The following SLC6A9 variants were observed in gnomAD, a reference collection of about 807,000 sequenced individuals.
SLC6A9 encodes sodium- and chloride-dependent glycine transporter 1.
Under a neutral mutation model 70.9 loss-of-function variants are expected in SLC6A9, and 31 were observed. That is an observed-to-expected ratio of 0.44 (90% CI 0.33 to 0.59). The LOEUF (loss-of-function observed/expected upper bound fraction) is 0.59, where lower values mean the gene tolerates loss of function less well. SLC6A9 is among the 20% of genes least tolerant of loss of function. The pLI, the probability that SLC6A9 is intolerant of heterozygous loss-of-function variation, is 0.04. For synonymous variants in SLC6A9, 310 were observed against 341.3 expected (o/e 0.91, Z 1.01); for missense variants, 631 against 845.2 (o/e 0.75, Z 3.14).
chr1:44,025,695 G>A (rs2086970546), intron 1 of SLC6A9, among the ~76,000 whole-genome samples: 1 of 151,936 alleles, frequency 6.6e-6, no homozygotes, highest in South Asian at 2.1e-4. Context: ...AGCTACTCGG[G>A]AGGCTGAGGC....
chr1:44,011,613 T>A (rs746124622), intron 2 of SLC6A9: 1 of 1,613,190 alleles, frequency 6.2e-7, no homozygotes, highest in African/African-American at 1.3e-5. Context: ...GAGACCAGAG[T>A]TGTAGGCCCC....
In SLC6A9 at chr1:44,018,541, C is replaced by G. The variant is rs2086818881; in HGVS notation, c.30+5707G>C. On this transcript the variant is annotated intron_variant, in intron 2 of 13. Coordinates refer to ENST00000372310, the MANE Select transcript of SLC6A9 (RefSeq NM_001024845.3). The surrounding 1 kb of genome is among the most constrained non-coding windows in gnomAD (Gnocchi z 4.2). ...CCCGGGAGGTGGAGGTTGCAGTGAG[C>G]CGAGATCGCGCCATTGCATTCCAGC... Among the ~76,000 whole-genome samples, 1 of 151,392 alleles carries G rather than the reference C, an allele frequency of 6.6e-6. No homozygotes were observed. Among genetic ancestry groups the G allele is most frequent in the South Asian group, 2.1e-4 (1 of 4,802 alleles).
rs201636712 is a variant in SLC6A9, at chr1:44,008,408, A to G, written c.535T>C (p.Ser179Pro). ...SRPAALPSNL[S>P]HLLNHSLQRT... Reference sequence around the variant, plus strand: ...TGGAGGCTGTGGTTGAGCAGGTGGGAGAGGTTGCTGGGCAAGGCGGCTGGC... The same window carrying G: ...TGGAGGCTGTGGTTGAGCAGGTGGGGGAGGTTGCTGGGCAAGGCGGCTGGC... Residue 179 changes from serine to proline, a missense_variant, in exon 5 of 14, where the codon TCC (serine) becomes CCC (proline). Ser to Pro is a moderately conservative substitution (Grantham distance 74). Transcript: ENST00000372310. The G allele has an allele frequency of 6.9e-5, 112 of 1,614,058 alleles. No homozygotes were observed. Among genetic ancestry groups the G allele is most frequent in the African/African-American group, 5.6e-4 (42 of 75,046 alleles).
At chr1:44,010,702 C>T (rs2086533079) in intron 3 of SLC6A9, 24 bp downstream of exon 3, 1 of 1,610,836 alleles carries the variant, frequency 6.2e-7, no homozygotes, top group South Asian at 1.1e-5. Context: ...AGTGGGTGGT[C>T]CCTGCCCTGT....
At chr1:44,011,935 C>G (rs1054479460) in intron 2 of SLC6A9, among the ~76,000 whole-genome samples, 1 of 152,186 alleles carries the variant, frequency 6.6e-6, no homozygotes, top group African/African-American at 2.4e-5. Context: ...CTCCCTCCCA[C>G]AGTGAGCAGG....
At position 43,997,961 on chromosome 1, in the gene SLC6A9, C is replaced by A; in HGVS notation, c.1601G>T (p.Gly534Val). ...PITYNHYQYPGWAVAIGFLMA... is the reference protein window; with the variant it reads ...PITYNHYQYPVWAVAIGFLMA... ...GAGGAAGCCAATGGCCACGGCCCAG[C>A]CTGGGTACTGGTAGTGGTTGTAGGT... is the stretch of plus-strand genomic sequence containing the variant. The change falls in exon 13 of 14, where the codon GGC becomes GTC. Residue 534 changes from glycine to valine, a missense_variant. Physicochemically the swap from Gly to Val is moderately radical, Grantham distance 109. Transcript: ENST00000372310. The surrounding 1 kb of genome is among the most constrained non-coding windows in gnomAD (Gnocchi z 4.4). The A allele has an allele frequency of 6.2e-7, 1 of 1,614,128 alleles. No homozygotes were observed. The highest frequency in any genetic ancestry group is 8.5e-7 in the Non-Finnish European group (1 of 1,180,000).
intron 2 of SLC6A9, among the ~76,000 whole-genome samples, chr1:44,017,980 T>C (rs1462416014): frequency 6.6e-6 from 1 of 152,134 alleles, no homozygotes; most frequent in East Asian, 1.9e-4. Context: ...ACCACTACTG[T>C]AGTGGGATGC....
intron 5 of SLC6A9, among the ~76,000 whole-genome samples, chr1:44,006,785 T>G (rs1289804780): frequency 6.6e-6 from 1 of 152,098 alleles, no homozygotes; most frequent in Non-Finnish European, 1.5e-5. Flanking sequence ...TCTGGGTCCT[T>G]GAGAATAGTG....
Position 44,018,597 on chromosome 1 carries a change from AAATAAT to A in SLC6A9, c.30+5645_30+5650del, listed in dbSNP as rs143546820. Among the ~76,000 whole-genome samples the A allele has an allele frequency of 0.52, 73,603 of 142,098 alleles. 22,692 individuals carry two copies. The highest frequency in any genetic ancestry group is 0.68 in the Non-Finnish European group (45,086 of 65,946). The allele number at this position is 142,098 out of a possible 152,430, so 93.2% of individuals were successfully genotyped here. A position where few individuals can be genotyped will look rare whatever the true frequency, so the allele number is the denominator to read the frequency against. On this transcript the variant is annotated intron_variant, in intron 2 of 13. Coordinates refer to ENST00000372310, the MANE Select transcript of SLC6A9 (RefSeq NM_001024845.3). This position sits in a 1 kb window ranked among gnomAD's most constrained non-coding sequence, Gnocchi z 4.2. ...CAGCAAGAGCAAAACTCTCTCTCTA[AAATAAT>A]AATAATAATAATAATAATAATAATA...
chr1:44,000,411 T>A (rs1328934236), intron 12 of SLC6A9, among the ~76,000 whole-genome samples: 1 of 152,222 alleles, frequency 6.6e-6, no homozygotes, highest in Non-Finnish European at 1.5e-5. Context: ...GCCAAGGCCC[T>A]GGAACACCCT....
chr1:44,010,270 A>G (rs1018340592), intron 3 of SLC6A9, 174 bp from the exon 4 acceptor site: 1 of 605,684 alleles, frequency 1.7e-6, no homozygotes, highest in African/African-American at 1.9e-5. Context: ...CTGTCTTTCA[A>G]CTTGACAGAG....
Position 44,001,516 on chromosome 1 carries a change from A to G in SLC6A9, c.1074T>C (p.Arg358=). Reference sequence around the variant, plus strand: ...CCAGGCCAGGGCCGTGGTCTGCCACACGGGACACATCCACGCCCAGGTGAT... The same window carrying G: ...CCAGGCCAGGGCCGTGGTCTGCCACGCGGGACACATCCACGCCCAGGTGAT... The part of the protein sequence containing the change: ...MANHLGVDVS[R]VADHGPGLAF... Residue 358 remains arginine, a synonymous_variant, in exon 9 of 14, where the codon CGT becomes CGC. Coordinates refer to ENST00000372310, the MANE Select transcript of SLC6A9 (RefSeq NM_001024845.3). 1 of 1,614,222 alleles carries G rather than the reference A, an allele frequency of 6.2e-7. No homozygotes were observed. Among genetic ancestry groups the G allele is most frequent in the Non-Finnish European group, 8.5e-7 (1 of 1,180,030 alleles).
In SLC6A9 at chr1:44,002,568, A is replaced by G; in HGVS notation, c.802T>C (p.Phe268Leu). The G allele has an allele frequency of 1.9e-6, 3 of 1,614,058 alleles. No individual in the cohort carries two copies. The highest frequency in any genetic ancestry group is 2.5e-6 in the Non-Finnish European group (3 of 1,179,992). Residue 268 changes from phenylalanine to leucine, a missense_variant, in exon 7 of 14, where the codon TTT becomes CTT. Phe to Leu is a conservative substitution (Grantham distance 22). Transcript: ENST00000372310. The surrounding 1 kb of genome is among the most constrained non-coding windows in gnomAD (Gnocchi z 5.5). ...FVRGVTLEGA[F>L]DGIMYYLTPQ... ...GTTAGGTAGTACATGATGCCGTCAA[A>G]GGCTCCCTCCAGGGTCACTCCGCGG...
In SLC6A9 at chr1:43,998,053, G is replaced by A. The variant is rs368202274; in HGVS notation, c.1537-28C>T. ...GCACGGGGCAGGTGTGGGAGTGGGC[G>A]TGAGGCCGACCCAGAGCCCAGACCC... is the stretch of plus-strand genomic sequence containing the variant. On this transcript the variant is annotated intron_variant, in intron 12 of 13. Transcript: ENST00000372310. The A allele has an allele frequency of 1.2e-5, 19 of 1,584,582 alleles. 1 individual carries two copies. The highest frequency in any genetic ancestry group is 6.7e-5 in the African/African-American group (5 of 74,432).
In SLC6A9 at chr1:44,000,752, G is replaced by A. The variant is rs201753658; in HGVS notation, c.1536+15C>T. On this transcript the variant is annotated intron_variant, in intron 12 of 13. Coordinates refer to ENST00000372310, the MANE Select transcript of SLC6A9 (RefSeq NM_001024845.3). ...GGGGCAGCGGGGGAAGGGAGGGGCCGGCCAGGGAACTCACGAAGATGATGG... is the reference window on the plus strand; with the variant it reads ...GGGGCAGCGGGGGAAGGGAGGGGCCAGCCAGGGAACTCACGAAGATGATGG... 13 of 1,552,694 alleles carry A rather than the reference G, an allele frequency of 8.4e-6. No individual in the cohort carries two copies. The highest frequency in any genetic ancestry group is 2.8e-5 in the African/African-American group (2 of 72,296).
At chr1:44,030,717 C>A (rs1465228008) in intron 1 of SLC6A9, among the ~76,000 whole-genome samples, 3 of 152,048 alleles carry the variant, frequency 2.0e-5, no homozygotes, top group Non-Finnish European at 2.9e-5. Flanking sequence ...TCCCGGGTCC[C>A]GCGGGCGCAC....
chr1:44,002,749 T>TC lies in SLC6A9; in HGVS notation c.723+103dup. On this transcript the variant is annotated intron_variant, in intron 6 of 13. Coordinates refer to ENST00000372310, the MANE Select transcript of SLC6A9 (RefSeq NM_001024845.3). This position sits in a 1 kb window ranked among gnomAD's most constrained non-coding sequence, Gnocchi z 5.5. ...ACCAGCCCCCTGGTCCCTCTCCGGC[T>TC]CCGGAGTCCCTTCAGCATCCCCTCC... is the stretch of plus-strand genomic sequence containing the variant. 1 of 1,591,710 alleles carries TC rather than the reference T, an allele frequency of 6.3e-7. No homozygotes were observed. Among genetic ancestry groups the TC allele is most frequent in the Non-Finnish European group, 8.6e-7 (1 of 1,162,312 alleles).
intron 5 of SLC6A9, among the ~76,000 whole-genome samples, chr1:44,005,964 T>C (rs1414740995): frequency 1.3e-5 from 2 of 152,188 alleles, no homozygotes; most frequent in Non-Finnish European, 1.5e-5. Flanking sequence ...TGAAGGCTCT[T>C]CCCCTCTGAT....
At chr1:44,012,931 C>T (rs777013593) in intron 2 of SLC6A9, among the ~76,000 whole-genome samples, 2 of 152,228 alleles carry the variant, frequency 1.3e-5, no homozygotes, top group Non-Finnish European at 2.9e-5. Context: ...ATCACAGAGT[C>T]AAGGGCCCAT....
Sources: allele counts gnomAD v4.1 joint callset (sites outside exome capture counted in the v4.1 genomes callset), GRCh38; gene constraint gnomAD v4.1.1; non-coding constraint Gnocchi (gnomAD v3.1); transcripts MANE v1.5; gene names NCBI Gene and HGNC (gene_info 2026-07-23, HGNC 2026-07-21).